Variants in AVEN observed in about 807,000 individuals in gnomAD.
The protein encoded by AVEN is apoptosis and caspase activation inhibitor.
Under a neutral mutation model 38.1 loss-of-function variants are expected in AVEN, and 41 were observed. The ratio of observed to expected loss-of-function variants is 1.08; its 90% CI spans 0.84 to 1.40. The LOEUF (loss-of-function observed/expected upper bound fraction) is 1.40, where lower values mean the gene tolerates loss of function less well. Among genes scored for constraint, AVEN ranks in the 40% most tolerant of loss-of-function variants. The pLI is 0.00. For missense variants in AVEN, 605 were observed against 438.8 expected (o/e 1.38, Z -3.38); for synonymous variants, 206 against 171.8 (o/e 1.20, Z -1.56).
chr15:33,998,345 G>T (rs1019373454), intron 2 of AVEN, among the ~76,000 whole-genome samples: 1 of 152,036 alleles, frequency 6.6e-6, no homozygotes, highest in African/African-American at 2.4e-5. Context: ...GTCTTAACTG[G>T]CCAAGCATAG....
chr15:34,071,876 A>T (rs1476762446), intron 1 of AVEN, among the ~76,000 whole-genome samples: 1 of 152,228 alleles, frequency 6.6e-6, no homozygotes, highest in Non-Finnish European at 1.5e-5. Context: ...CTTATCAATA[A>T]GAGTCAGAAA....
downstream of AVEN, chr15:33,864,883 G>C (rs1345132533): frequency 6.6e-6 from 3 of 457,642 alleles, no homozygotes; most frequent in Non-Finnish European, 1.2e-5. Flanking sequence ...ACATTGATTG[G>C]TTTCAGTTTT....
At chr15:33,986,167 C>T (rs1356819517) in intron 2 of AVEN, among the ~76,000 whole-genome samples, 1 of 151,444 alleles carries the variant, frequency 6.6e-6, no homozygotes, top group Admixed American at 6.6e-5. Context: ...AGTGCAGTGG[C>T]GCCATCTCGG....
intron 2 of AVEN, among the ~76,000 whole-genome samples, chr15:33,901,021 C>T (rs1271635420): frequency 2.0e-5 from 3 of 152,164 alleles, no homozygotes; most frequent in Non-Finnish European, 2.9e-5. Flanking sequence ...AATCCCAGGA[C>T]TTTGGGAGGC....
chr15:34,052,040 CA>C (rs1179010629), intron 5 of AVEN, among the ~76,000 whole-genome samples: 3 of 151,684 alleles, frequency 2.0e-5, no homozygotes, highest in African/African-American at 7.3e-5. Context: ...AGAGATACAA[CA>C]AAAAAAAGAA....
At chr15:33,990,571 T>C (rs996381975) in intron 2 of AVEN, 7 of 152,232 alleles carry the variant, frequency 4.6e-5, no homozygotes, top group Non-Finnish European at 7.3e-5. Flanking sequence ...GCTTAAATTA[T>C]CTAATAATAA....
At chr15:34,061,401 T>TG (rs1900331900) in intron 5 of AVEN, among the ~76,000 whole-genome samples, 1 of 10,154 alleles carries the variant, frequency 9.8e-5, no homozygotes, top group Non-Finnish European at 6.0e-3. Flanking sequence ...GATGTACTGA[T>TG]AAAAAGCTGT....
downstream of AVEN, chr15:33,854,475 A>AATTCTATACCCCAGTTC (rs1348588076): frequency 6.5e-7 from 1 of 1,537,130 alleles, no homozygotes; most frequent in East Asian, 2.4e-5. Flanking sequence ...GGAAAAACAA[A>AATTCTATACCCCAGTTC]ATTCTATACC....
intron 2 of AVEN, among the ~76,000 whole-genome samples, chr15:33,877,380 C>T (rs918737921): frequency 3.3e-5 from 5 of 152,196 alleles, no homozygotes; most frequent in East Asian, 1.9e-4. Context: ...CAGGGGACAA[C>T]AGCATGATAA....
intron 1 of AVEN, among the ~76,000 whole-genome samples, chr15:34,009,645 T>C (rs1168556313): frequency 2.0e-5 from 3 of 152,144 alleles, no homozygotes; most frequent in Non-Finnish European, 2.9e-5. Flanking sequence ...AAAATCGTTA[T>C]AAAGACCAAG....
chr15:33,894,822 ATAATAACAAT>A lies in AVEN; in HGVS notation c.446-18837_446-18828del, dbSNP rs553252510. Among the ~76,000 whole-genome samples the A allele has an allele frequency of 2.2e-3, 201 of 91,212 alleles. 1 individual carries two copies. The highest frequency in any genetic ancestry group is 0.016 in the East Asian group (50 of 3,086). The allele number at this position is 91,212 out of a possible 152,430, so 59.8% of individuals were successfully genotyped here. On this transcript the variant is annotated intron_variant, in intron 2 of 5. Transcript: ENST00000306730. ...GAGACACCATCTCAAAAAAAAAAAA[ATAATAACAAT>A]AATAATAATAATAATAATAATAGAA...
At chr15:33,986,150 A>C (rs1896452997) in intron 2 of AVEN, among the ~76,000 whole-genome samples, 1 of 151,300 alleles carries the variant, frequency 6.6e-6, no homozygotes. Flanking sequence ...TCTGTCGCCC[A>C]GGCTGGAGTG....
At chr15:33,968,685 A>G (rs1597286887) in intron 2 of AVEN, 1 of 152,174 alleles carries the variant, frequency 6.6e-6, no homozygotes, top group Admixed American at 6.6e-5. Context: ...TGGAGAAAGG[A>G]AAGCAAGAGT....
intron 2 of AVEN, among the ~76,000 whole-genome samples, chr15:33,944,225 A>C (rs1894424769): frequency 6.6e-6 from 1 of 152,172 alleles, no homozygotes; most frequent in African/African-American, 2.4e-5. Flanking sequence ...TCAATTCAAC[A>C]AACATTTATG....
chr15:33,877,570 T>C (rs1891297864), intron 2 of AVEN, among the ~76,000 whole-genome samples: 1 of 152,174 alleles, frequency 6.6e-6, no homozygotes, highest in Non-Finnish European at 1.5e-5. Flanking sequence ...ATCCCAGCAC[T>C]TCGGGAAGCC....
At chr15:33,868,102 G>A (rs1158389600) in intron 4 of AVEN, among the ~76,000 whole-genome samples, 1 of 152,142 alleles carries the variant, frequency 6.6e-6, no homozygotes, top group Non-Finnish European at 1.5e-5. Flanking sequence ...TTGACCATGT[G>A]CTAACTAGCT....
At chr15:33,900,101 CT>C (rs1055903009) in intron 2 of AVEN, among the ~76,000 whole-genome samples, 4 of 151,868 alleles carry the variant, frequency 2.6e-5, no homozygotes, top group African/African-American at 4.8e-5. Context: ...TATGAATCAC[CT>C]TTTTTTTCTT....
At chr15:34,064,438 T>A (rs1900457772) in intron 4 of AVEN, 1 of 1,253,214 alleles carries the variant, frequency 8.0e-7, no homozygotes, top group South Asian at 1.6e-5. Context: ...CCTTGAAGAT[T>A]TTTGTAAAGG....
chr15:33,959,401 G>A (rs897508069), intron 2 of AVEN, among the ~76,000 whole-genome samples: 3 of 152,106 alleles, frequency 2.0e-5, no homozygotes, highest in Non-Finnish European at 4.4e-5. Flanking sequence ...ACTAAACAAA[G>A]TTCAGATTCC....
Sources: gnomAD v4.1 joint callset for allele counts (sites outside exome capture counted in the v4.1 genomes callset) on GRCh38, gnomAD v4.1.1 for gene constraint, MANE v1.5 for transcripts, NCBI Gene and HGNC (gene_info 2026-07-23, HGNC 2026-07-21) for gene names.